Variants in EFCAB6 observed in about 807,000 individuals in gnomAD.
EFCAB6 encodes the protein EF-hand calcium binding domain 6, also known as EF-hand calcium-binding domain-containing protein 6.
In EFCAB6, 156 loss-of-function variants were observed where a neutral mutation model predicts 169.8. The observed-to-expected ratio is 0.92, with a 90% CI of 0.81 to 1.05. EFCAB6 has a LOEUF of 1.05. Ranked by LOEUF, EFCAB6 falls within the 50% of genes least tolerant of loss-of-function variation. EFCAB6 has a pLI of 0.00. For missense variants in EFCAB6, 1,800 were observed against 1,829.1 expected (o/e 0.98, Z 0.29); for synonymous variants, 698 against 676.4 (o/e 1.03, Z -0.50).
chr22:43,664,952 G>T lies in EFCAB6; in HGVS notation c.1983+2152C>A, dbSNP rs377183505. ...CTGTGATAATCACATGGGAGATGCT[G>T]GGGGGAGCAGTGGAGTGGGGTCATC... is the stretch of plus-strand genomic sequence containing the variant. On this transcript the variant is annotated intron_variant, in intron 17 of 31. Coordinates refer to ENST00000262726, the MANE Select transcript of EFCAB6 (RefSeq NM_022785.4). Among the ~76,000 whole-genome samples, 17 of 152,258 alleles carry T rather than the reference G, an allele frequency of 1.1e-4. 1 individual carries two copies. The highest frequency in any genetic ancestry group is 7.2e-4 in the Admixed American group (11 of 15,306).
intron 17 of EFCAB6, among the ~76,000 whole-genome samples, chr22:43,652,194 G>A (rs1165770653): frequency 1.3e-5 from 2 of 152,200 alleles, no homozygotes; most frequent in Non-Finnish European, 2.9e-5. Context: ...GACCTGGTGG[G>A]AGGTAATTGA....
At chr22:43,810,761 T>TA in intron 1 of EFCAB6, among the ~76,000 whole-genome samples, 1 of 152,104 alleles carries the variant, frequency 6.6e-6, no homozygotes, top group Non-Finnish European at 1.5e-5. Flanking sequence ...AACCAAGCAT[T>TA]AAAATAAGCA....
intron 10 of EFCAB6, among the ~76,000 whole-genome samples, chr22:43,695,943 C>T (rs1603237162): frequency 6.6e-6 from 1 of 151,902 alleles, no homozygotes; most frequent in Non-Finnish European, 1.5e-5. Context: ...CAAAATATTA[C>T]CCATAAAATT....
chr22:43,698,876 G>A (rs977700705), intron 10 of EFCAB6, among the ~76,000 whole-genome samples: 13 of 152,182 alleles, frequency 8.5e-5, no homozygotes, highest in African/African-American at 3.1e-4. Flanking sequence ...AATTATGTGA[G>A]TTTTAGCAGC....
At chr22:43,756,995 G>A (rs1005552395) in intron 5 of EFCAB6, among the ~76,000 whole-genome samples, 16 of 152,162 alleles carry the variant, frequency 1.1e-4, no homozygotes, top group African/African-American at 3.9e-4. Context: ...TTCAGATGGA[G>A]GCAGATGCCA....
intron 5 of EFCAB6, among the ~76,000 whole-genome samples, chr22:43,761,948 G>A (rs1257682638): frequency 6.6e-6 from 1 of 152,116 alleles, no homozygotes; most frequent in Non-Finnish European, 1.5e-5. Flanking sequence ...CTCATTCTTT[G>A]TCTCTTCATA....
At chr22:43,733,697 G>A (rs796322994) in intron 7 of EFCAB6, among the ~76,000 whole-genome samples, 1 of 152,120 alleles carries the variant, frequency 6.6e-6, no homozygotes, top group Non-Finnish European at 1.5e-5. Context: ...GCCCTGAGAG[G>A]TGGGCTGCTC....
chr22:43,566,997 C>T (rs948491888), intron 26 of EFCAB6, among the ~76,000 whole-genome samples: 5 of 152,110 alleles, frequency 3.3e-5, no homozygotes, highest in African/African-American at 7.2e-5. Flanking sequence ...CAGGAAGCCC[C>T]GTCTCCTGGT....
chr22:43,561,758 C>T (rs1031806985), intron 26 of EFCAB6, among the ~76,000 whole-genome samples: 2 of 152,204 alleles, frequency 1.3e-5, no homozygotes, highest in South Asian at 2.1e-4. Context: ...GCACTTCTCA[C>T]GTGATCATTA....
chr22:43,712,462 G>C (rs1462625997), intron 9 of EFCAB6, among the ~76,000 whole-genome samples: 1 of 152,042 alleles, frequency 6.6e-6, no homozygotes, highest in African/African-American at 2.4e-5. Flanking sequence ...TCCACTAAAG[G>C]AATAAAAAGC....
intron 26 of EFCAB6, 55 bp from the exon 27 acceptor site, chr22:43,555,151 G>C (rs188943579): frequency 6.3e-6 from 10 of 1,578,536 alleles, no homozygotes; most frequent in Non-Finnish European, 8.7e-7. Flanking sequence ...ACCACCTCTT[G>C]CTCTGGGCTC....
chr22:43,793,532 C>G (rs892562572), intron 2 of EFCAB6, among the ~76,000 whole-genome samples: 2 of 143,980 alleles, frequency 1.4e-5, no homozygotes, highest in Non-Finnish European at 3.1e-5. Context: ...AGAAATATAA[C>G]CCACCCTGAC....
intron 20 of EFCAB6, among the ~76,000 whole-genome samples, chr22:43,616,756 C>CCACAGTAAAG (rs1205008123): frequency 6.6e-6 from 1 of 152,160 alleles, no homozygotes; most frequent in East Asian, 1.9e-4. Context: ...CCCTGCTAGG[C>CCACAGTAAAG]CACAGTAAAG....
At position 43,730,270 on chromosome 22, in the gene EFCAB6, GGGAGGGAGGGAT is replaced by G. The variant is rs376980392; in HGVS notation, c.757+1417_757+1428del. Among the ~76,000 whole-genome samples, 116 of 92,684 alleles carry G rather than the reference GGGAGGGAGGGAT, an allele frequency of 1.3e-3. 1 individual carries two copies. The highest frequency in any genetic ancestry group is 4.7e-3 in the East Asian group (14 of 2,962). The allele number at this position is 92,684 out of a possible 152,430, so 60.8% of individuals were successfully genotyped here. A position where few individuals can be genotyped will look rare whatever the true frequency, so the allele number is the denominator to read the frequency against. ...AGGAGGGAAGGAGGAAAGGGAGCGAGGGAGGGAGGGATGGAGGGAGGGATGGAGTTCTAGGAT... is the reference window on the plus strand; with the variant it reads ...AGGAGGGAAGGAGGAAAGGGAGCGAGGGAGGGAGGGATGGAGTTCTAGGAT... On this transcript the variant is annotated intron_variant, in intron 8 of 31. Coordinates refer to ENST00000262726, the MANE Select transcript of EFCAB6 (RefSeq NM_022785.4).
chr22:43,617,647 GCCTT>G (rs2053786094), intron 20 of EFCAB6, among the ~76,000 whole-genome samples: 1 of 152,128 alleles, frequency 6.6e-6, no homozygotes, highest in South Asian at 2.1e-4. Flanking sequence ...GTCAGATCCA[GCCTT>G]CCTTCCTATC....
chr22:43,730,163 C>T (rs1603291697), intron 8 of EFCAB6, among the ~76,000 whole-genome samples: 1 of 132,672 alleles, frequency 7.5e-6, no homozygotes, highest in East Asian at 2.2e-4. Context: ...GCCTGGGCAA[C>T]AGAGCAAGCG....
Position 43,632,258 on chromosome 22 carries a change from CG to C in EFCAB6, c.2099-21del, listed in dbSNP as rs1187236790. On this transcript the variant is annotated intron_variant, in intron 18 of 31. Transcript: ENST00000262726. ...GAGGATCTGGAACAATTACAAAGAT[CG>C]GGGTTTCCATTAGTGCCCATCAGCT... The C allele has an allele frequency of 1.3e-6, 2 of 1,564,768 alleles. No homozygotes were observed. The highest frequency in any genetic ancestry group is 1.7e-6 in the Non-Finnish European group (2 of 1,150,542).
At chr22:43,620,487 A>G (rs1424821173) in intron 20 of EFCAB6, among the ~76,000 whole-genome samples, 2 of 152,164 alleles carry the variant, frequency 1.3e-5, no homozygotes, top group Non-Finnish European at 2.9e-5. Context: ...CCCAAACTCT[A>G]TATCCAGCAA....
intron 2 of EFCAB6, among the ~76,000 whole-genome samples, chr22:43,789,847 T>TCACTCACACACACACACA (rs1556414972): frequency 4.9e-5 from 7 of 143,404 alleles, no homozygotes; most frequent in African/African-American, 1.8e-4. Context: ...TGGCTAACCT[T>TCACTCACACACACACACA]CACACACACA....
Sources: allele counts gnomAD v4.1 joint callset (sites outside exome capture counted in the v4.1 genomes callset), GRCh38; gene constraint gnomAD v4.1.1; transcripts MANE v1.5; gene names NCBI Gene and HGNC (gene_info 2026-07-23, HGNC 2026-07-21).